NTF3: variants seen among roughly 807,000 people sequenced by gnomAD.
NTF3 encodes the protein neurotrophin 3.
In NTF3, 8 loss-of-function variants were observed where a neutral mutation model predicts 26.3. That is an observed-to-expected ratio of 0.30 (90% CI 0.18 to 0.55). NTF3 has a LOEUF of 0.55. Ranked by LOEUF, NTF3 falls within the 20% of genes least tolerant of loss-of-function variation. NTF3 has a pLI of 0.93. For missense variants in NTF3, 276 were observed against 352.9 expected (o/e 0.78, Z 1.75); for synonymous variants, 154 against 145.5 (o/e 1.06, Z -0.42).
intron 1 of NTF3, among the ~76,000 whole-genome samples, chr12:5,467,545 GT>G (rs563532494): frequency 1.3e-3 from 192 of 152,244 alleles, no homozygotes; most frequent in African/African-American, 4.5e-3. Context: ...TTGATTAAGG[GT>G]TACAAATTTG....
At chr12:5,444,327 A>G (rs372258221) in intron 1 of NTF3, among the ~76,000 whole-genome samples, 1 of 152,210 alleles carries the variant, frequency 6.6e-6, no homozygotes, top group African/African-American at 2.4e-5. Flanking sequence ...GAGCGTGAGC[A>G]GGGGCTGGGG....
intron 1 of NTF3, among the ~76,000 whole-genome samples, chr12:5,459,111 G>A (rs1006664883): frequency 6.6e-6 from 1 of 152,130 alleles, no homozygotes; most frequent in African/African-American, 2.4e-5. Context: ...TTCCCCTGGT[G>A]AGCACTGCAG....
intron 1 of NTF3, among the ~76,000 whole-genome samples, chr12:5,467,271 G>A (rs916818919): frequency 7.0e-6 from 1 of 142,548 alleles, no homozygotes; most frequent in Non-Finnish European, 1.5e-5. Context: ...AAAGTCGGGG[G>A]CTTGCCAAGC....
chr12:5,471,940 T>C (rs1023919473), intron 1 of NTF3, among the ~76,000 whole-genome samples: 2 of 152,178 alleles, frequency 1.3e-5, no homozygotes, highest in African/African-American at 2.4e-5. Flanking sequence ...AGATGTCTTA[T>C]GTTCAACATA....
chr12:5,481,873 A>T (rs952319458), intron 1 of NTF3, among the ~76,000 whole-genome samples: 1 of 151,770 alleles, frequency 6.6e-6, no homozygotes, highest in Non-Finnish European at 1.5e-5. Flanking sequence ...ATACACAGAC[A>T]TCACACATGC....
At chr12:5,441,438 C>A (rs1297581459) in intron 1 of NTF3, among the ~76,000 whole-genome samples, 1 of 152,004 alleles carries the variant, frequency 6.6e-6, no homozygotes, top group Non-Finnish European at 1.5e-5. Flanking sequence ...AAATGCTTAC[C>A]CCTCCATCAT....
intron 1 of NTF3, among the ~76,000 whole-genome samples, chr12:5,447,312 GA>G (rs945911455): frequency 1.3e-5 from 2 of 152,208 alleles, no homozygotes; most frequent in African/African-American, 4.8e-5. Flanking sequence ...AAGAAAGCGT[GA>G]ATTGAGTAAA....
At chr12:5,430,613 AC>A (rs1404095081), upstream of NTF3, among the ~76,000 whole-genome samples, 3 of 142,256 alleles carry the variant, frequency 2.1e-5, no homozygotes, top group African/African-American at 2.6e-5. Context: ...TCCCCATCCA[AC>A]CCCCCAGCTA....
intron 1 of NTF3, among the ~76,000 whole-genome samples, chr12:5,448,472 T>C (rs1351586101): frequency 1.3e-5 from 2 of 152,248 alleles, no homozygotes; most frequent in African/African-American, 2.4e-5. Flanking sequence ...TTTAGCTTTT[T>C]ATCTGGGCTC....
rs1327377537 is a variant in NTF3 at position 5,494,927 on chromosome 12, G to A, written c.752G>A (p.Arg251Gln). The change falls in exon 2 of 2, where the codon CGG (arginine) becomes CAG (glutamine). Residue 251 changes from arginine to glutamine, a missense_variant. Around this residue, in one of 3 missense-constraint regions of NTF3, gnomAD observed 52 missense variants for 78.4 expected, o/e 0.66. Transcript: ENST00000423158. The surrounding 1 kb of genome is among the most constrained non-coding windows in gnomAD (Gnocchi z 8.3). ...GAGAACAATAAACTCGTGGGCTGGC[G>A]GTGGATACGGATAGACACGTCCTGT... is the stretch of plus-strand genomic sequence containing the variant. The part of the protein sequence containing the change: ...TSENNKLVGW[R>Q]WIRIDTSCVC... The A allele has an allele frequency of 1.9e-6, 3 of 1,614,108 alleles. No homozygotes were observed. The highest frequency in any genetic ancestry group is 1.7e-5 in the Admixed American group (1 of 60,020).
At chr12:5,445,537 G>T (rs1940295074) in intron 1 of NTF3, among the ~76,000 whole-genome samples, 2 of 152,136 alleles carry the variant, frequency 1.3e-5, no homozygotes, top group Admixed American at 6.5e-5. Flanking sequence ...AAAGCCAAAG[G>T]GAGCCAAAGA....
chr12:5,483,862 A>G (rs1283761919), intron 1 of NTF3, among the ~76,000 whole-genome samples: 1 of 152,250 alleles, frequency 6.6e-6, no homozygotes, highest in Non-Finnish European at 1.5e-5. Flanking sequence ...ATGGACAGAA[A>G]GGAAAATGCT....
chr12:5,477,270 G>C (rs754731721), intron 1 of NTF3, among the ~76,000 whole-genome samples: 2 of 152,110 alleles, frequency 1.3e-5, no homozygotes, highest in Admixed American at 6.5e-5. Context: ...GCCATGGTGT[G>C]ATCTCAAGCA....
chr12:5,494,831 G>C lies in NTF3; in HGVS notation c.656G>C (p.Arg219Thr). Residue 219 changes from arginine (R) to threonine (T), a missense_variant, in exon 2 of 2, where the codon AGG becomes ACG. Physicochemically the swap from Arg to Thr is moderately conservative, Grantham distance 71. Around this residue, in one of 3 missense-constraint regions of NTF3, gnomAD observed 52 missense variants for 78.4 expected, o/e 0.66. Coordinates refer to ENST00000423158, the MANE Select transcript of NTF3 (RefSeq NM_001102654.2). This position sits in a 1 kb window ranked among gnomAD's most constrained non-coding sequence, Gnocchi z 8.3. Reference sequence around the variant, plus strand: ...GCCAGGCCGGTCAAAAACGGTTGCAGGGGTATTGATGATAAACACTGGAAC... The same window carrying C: ...GCCAGGCCGGTCAAAAACGGTTGCACGGGTATTGATGATAAACACTGGAAC... ...KEARPVKNGC[R>T]GIDDKHWNSQ... The C allele has an allele frequency of 6.2e-7, 1 of 1,614,104 alleles. No individual in the cohort carries two copies. Among genetic ancestry groups the C allele is most frequent in the Non-Finnish European group, 8.5e-7 (1 of 1,180,030 alleles).
Position 5,432,354 on chromosome 12 carries a change from C to T in NTF3, c.18+12C>T, listed in dbSNP as rs1312398126. 6.3e-7 allele frequency: 1 copy of T among 1,599,264 alleles called. No individual in the cohort carries two copies. The highest frequency in any genetic ancestry group is 8.5e-7 in the Non-Finnish European group (1 of 1,172,114). On this transcript the variant is annotated intron_variant, in intron 1 of 1. Coordinates refer to ENST00000423158, the MANE Select transcript of NTF3 (RefSeq NM_001102654.2). The stretch of plus-strand genomic sequence containing the variant: ...TTACTTTTGCCACGGTAAGGGGAGG[C>T]GGCGGGCACCTTGGGTGGGCAGGTT...
At chr12:5,463,944 A>G (rs917664296) in intron 1 of NTF3, among the ~76,000 whole-genome samples, 7 of 152,182 alleles carry the variant, frequency 4.6e-5, no homozygotes, top group African/African-American at 1.7e-4. Context: ...TTTCTTTGTC[A>G]TTCCTCTTTG....
intron 1 of NTF3, among the ~76,000 whole-genome samples, chr12:5,465,664 A>AC (rs1309461572): frequency 1.3e-5 from 2 of 152,248 alleles, no homozygotes; most frequent in Admixed American, 6.5e-5. Flanking sequence ...TCGCACTCAG[A>AC]CTGCTGATGG....
chr12:5,494,278 G>A lies in NTF3; in HGVS notation c.103G>A (p.Asp35Asn), dbSNP rs749083152. 2.0e-5 allele frequency: 32 copies of A among 1,613,998 alleles called. No individual in the cohort carries two copies. Among genetic ancestry groups the A allele is most frequent in the Non-Finnish European group, 2.6e-5 (31 of 1,180,040 alleles). Residue 35 changes from aspartate to asparagine, a missense_variant, in exon 2 of 2, where the codon GAT becomes AAT. By Grantham distance (23) the Asp-to-Asn change is conservative. Around this residue, in one of 3 missense-constraint regions of NTF3, gnomAD observed 221 missense variants for 258.2 expected, o/e 0.86. Transcript: ENST00000423158. This position sits in a 1 kb window ranked among gnomAD's most constrained non-coding sequence, Gnocchi z 8.3. ...YLRGIQGNNM[D>N]QRSLPEDSLN... is the part of the protein sequence containing the mutation. Reference sequence around the variant, plus strand: ...CCGTGGCATCCAAGGTAACAACATGGATCAAAGGAGTTTGCCAGAAGACTC... The same window carrying A: ...CCGTGGCATCCAAGGTAACAACATGAATCAAAGGAGTTTGCCAGAAGACTC...
intron 1 of NTF3, among the ~76,000 whole-genome samples, chr12:5,466,766 A>G (rs1468742591): frequency 6.6e-6 from 1 of 152,264 alleles, no homozygotes; most frequent in Admixed American, 6.5e-5. Flanking sequence ...ACAGGCAAGA[A>G]ATGCTGTAGG....
Sources: allele counts gnomAD v4.1 joint callset (sites outside exome capture counted in the v4.1 genomes callset), GRCh38; gene constraint gnomAD v4.1.1; regional missense constraint gnomAD v4.1.1; non-coding constraint Gnocchi (gnomAD v3.1); transcripts MANE v1.5; gene names NCBI Gene and HGNC (gene_info 2026-07-23, HGNC 2026-07-21).